The following DOCK7 variants were observed in gnomAD, a reference collection of about 807,000 sequenced individuals.
DOCK7 encodes the protein dedicator of cytokinesis protein 7.
Under a neutral mutation model 271.0 loss-of-function variants are expected in DOCK7, and 138 were observed. The ratio of observed to expected loss-of-function variants is 0.51; its 90% CI spans 0.44 to 0.59. DOCK7 has a LOEUF of 0.59. DOCK7 is among the 20% of genes least tolerant of loss of function. DOCK7 has a pLI of 0.00. For missense variants in DOCK7, 2,066 were observed against 2,592.4 expected (o/e 0.80, Z 4.41); for synonymous variants, 823 against 876.1 (o/e 0.94, Z 1.07).
chr1:62,656,216 A>G (rs372302004), intron 2 of DOCK7, among the ~76,000 whole-genome samples: 1 of 152,326 alleles, frequency 6.6e-6, no homozygotes, highest in African/African-American at 2.4e-5. Flanking sequence ...ACACAAACAT[A>G]CATGCTTAAA....
In DOCK7 at chr1:62,513,561, A is replaced by G. The variant is rs771786491; in HGVS notation, c.4165T>C (p.Ser1389Pro). The change falls in exon 33 of 50, where the codon TCA (serine) becomes CCA (proline). Residue 1389 changes from serine (S) to proline (P), a missense_variant. Ser to Pro is a moderately conservative substitution (Grantham distance 74). This residue lies in a region of DOCK7 where 652 missense variants were observed against 922.1 expected (regional missense o/e 0.71). Coordinates refer to ENST00000635253, the MANE Select transcript of DOCK7 (RefSeq NM_001367561.1). Reference protein sequence around the residue: ...ERMNSLTFKKSKDMRAKLEEA... With the variant: ...ERMNSLTFKKPKDMRAKLEEA... ...TCAAGCTTTGCTCTCATGTCTTTTG[A>G]TTTCTTAAAGGTCAAGCTATTCATT... The G allele has an allele frequency of 1.2e-6, 2 of 1,614,040 alleles. No homozygotes were observed. Among genetic ancestry groups the G allele is most frequent in the South Asian group, 1.1e-5 (1 of 91,062 alleles).
intron 6 of DOCK7, 64 bp downstream of exon 6, chr1:62,648,042 C>T (rs1571894655): frequency 1.4e-6 from 2 of 1,460,206 alleles, no homozygotes; most frequent in Non-Finnish European, 9.6e-7. Context: ...TACTATATAT[C>T]AATCATAATC....
At chr1:62,600,668 A>C (rs868204047) in intron 14 of DOCK7, among the ~76,000 whole-genome samples, 4 of 151,992 alleles carry the variant, frequency 2.6e-5, no homozygotes, top group African/African-American at 9.6e-5. Flanking sequence ...GCCTGGTTCA[A>C]ATTATGTATT....
At position 62,475,954 on chromosome 1, in the gene DOCK7, A is replaced by G. The variant is rs1344294824; in HGVS notation, c.5725-11T>C. On this transcript the variant is annotated splice_polypyrimidine_tract_variant and intron_variant, in intron 45 of 49. Coordinates refer to ENST00000635253, the MANE Select transcript of DOCK7 (RefSeq NM_001367561.1). ...AATCTGAATATATGCCTAGGAAAGA[A>G]AAAAGTCCTTCATTTCCTCACTGTT... 4 of 1,611,862 alleles carry G rather than the reference A, an allele frequency of 2.5e-6. No homozygotes were observed. In the South Asian group the frequency reaches 4.4e-5, roughly 18 times the overall value.
intron 4 of DOCK7, among the ~76,000 whole-genome samples, chr1:62,650,639 T>C (rs1482979803): frequency 6.6e-6 from 1 of 152,124 alleles, no homozygotes; most frequent in African/African-American, 2.4e-5. Flanking sequence ...GCAAACGATA[T>C]GAACAGACAC....
In DOCK7 at chr1:62,648,450, C is replaced by T; in HGVS notation, c.484G>A (p.Glu162Lys). 6.5e-7 allele frequency: 1 copy of T among 1,550,304 alleles called. No homozygotes were observed. Among genetic ancestry groups the T allele is most frequent in the Non-Finnish European group, 8.7e-7 (1 of 1,146,566 alleles). ...TGGTAGCTGTTGCCATCTGGAGCTT[C>T]ATCAGATTCAAAAACTTGTTTTGGC... is the stretch of plus-strand genomic sequence containing the variant. ...GLPKQVFESD[E>K]APDGNSYQDD... Residue 162 changes from glutamate to lysine, a missense_variant, in exon 5 of 50, where the codon GAA becomes AAA. Transcript: ENST00000635253.
chr1:62,669,224 A>G (rs1659658837), intron 1 of DOCK7, among the ~76,000 whole-genome samples: 1 of 152,226 alleles, frequency 6.6e-6, no homozygotes. Context: ...CTCTTGTTGA[A>G]TAAGAACATT....
rs569254867 is a variant in DOCK7 at position 62,457,296 on chromosome 1, G to C, written c.6380+242C>G. On this transcript the variant is annotated intron_variant, in intron 49 of 49. Transcript: ENST00000635253. ...AAAATTCTGAAATGTTCCAATATCA[G>C]AGACTTTTTAAGCGCTGACATGATG... Among the ~76,000 whole-genome samples, 3 of 152,284 alleles carry C rather than the reference G, an allele frequency of 2.0e-5. No individual in the cohort carries two copies. In the South Asian group the frequency reaches 6.2e-4, roughly 32 times the overall value.
intron 19 of DOCK7, among the ~76,000 whole-genome samples, chr1:62,559,627 C>T (rs1428020884): frequency 6.6e-6 from 1 of 152,088 alleles, no homozygotes; most frequent in Non-Finnish European, 1.5e-5. Context: ...CTGGAGACTA[C>T]CTGTGTAGTT....
At chr1:62,465,909 G>A (rs1187696426) in intron 48 of DOCK7, among the ~76,000 whole-genome samples, 1 of 152,156 alleles carries the variant, frequency 6.6e-6, no homozygotes, top group Non-Finnish European at 1.5e-5. Context: ...TAGGATTGCT[G>A]TAAGAAAAGT....
At chr1:62,644,634 A>C (rs932722334) in intron 7 of DOCK7, among the ~76,000 whole-genome samples, 1 of 152,234 alleles carries the variant, frequency 6.6e-6, no homozygotes, top group Non-Finnish European at 1.5e-5. Flanking sequence ...TGTTACTGAC[A>C]AATAGTCTTC....
intron 48 of DOCK7, among the ~76,000 whole-genome samples, chr1:62,459,504 G>C (rs1277104917): frequency 6.6e-6 from 1 of 152,010 alleles, no homozygotes; most frequent in Non-Finnish European, 1.5e-5. Flanking sequence ...GCCATCGAAA[G>C]TGTTGGGATT....
intron 20 of DOCK7, among the ~76,000 whole-genome samples, chr1:62,557,442 T>C (rs920515980): frequency 4.6e-5 from 7 of 151,418 alleles, no homozygotes; most frequent in Non-Finnish European, 1.0e-4. Context: ...TCTCCACTCT[T>C]TTGCCCTACT....
chr1:62,627,718 TG>T (rs1379625208), intron 11 of DOCK7: 4 of 151,832 alleles, frequency 2.6e-5, no homozygotes, highest in African/African-American at 9.7e-5. Flanking sequence ...GACACAACAC[TG>T]AAAAAAATGA....
intron 7 of DOCK7, among the ~76,000 whole-genome samples, chr1:62,646,005 G>C (rs142522143): frequency 5.9e-5 from 9 of 152,164 alleles, no homozygotes; most frequent in African/African-American, 1.9e-4. Flanking sequence ...AAATTAGCCA[G>C]GCGTGGTGAC....
rs901598483 is a variant in DOCK7, at chr1:62,684,011, G to A, written c.38+4216C>T. On this transcript the variant is annotated intron_variant, in intron 1 of 49. Coordinates refer to ENST00000635253, the MANE Select transcript of DOCK7 (RefSeq NM_001367561.1). ...TCCTAGCACTTTGGGAGGCCAAGGCGGGTGAATCACCTGAGGTCAGGAGTT... is the reference window on the plus strand; with the variant it reads ...TCCTAGCACTTTGGGAGGCCAAGGCAGGTGAATCACCTGAGGTCAGGAGTT... Among the ~76,000 whole-genome samples, 11 of 152,204 alleles carry A rather than the reference G, an allele frequency of 7.2e-5. No individual in the cohort carries two copies. The East Asian group carries it at 9.7e-4, about 13-fold the overall frequency.
At chr1:62,549,918 T>C (rs955674261) in intron 22 of DOCK7, among the ~76,000 whole-genome samples, 1 of 152,208 alleles carries the variant, frequency 6.6e-6, no homozygotes, top group African/African-American at 2.4e-5. Flanking sequence ...AGTGAGAACA[T>C]GTGAAGCTTG....
intron 14 of DOCK7, among the ~76,000 whole-genome samples, chr1:62,598,270 A>C (rs1649590271): frequency 6.6e-6 from 1 of 152,002 alleles, no homozygotes; most frequent in Admixed American, 6.6e-5. Context: ...AAACACTGAA[A>C]ATTTGCATTT....
At chr1:62,526,835 G>A (rs1372002771) in intron 31 of DOCK7, among the ~76,000 whole-genome samples, 1 of 152,126 alleles carries the variant, frequency 6.6e-6, no homozygotes, top group East Asian at 1.9e-4. Context: ...AGATCATATA[G>A]TAAATAATTT....
Sources: gnomAD v4.1 joint callset for allele counts (sites outside exome capture counted in the v4.1 genomes callset) on GRCh38, gnomAD v4.1.1 for gene constraint, gnomAD v4.1.1 regional missense constraint, MANE v1.5 for transcripts, NCBI Gene and HGNC (gene_info 2026-07-23, HGNC 2026-07-21) for gene names.